The following CNTNAP2 variants were observed in gnomAD, a reference collection of about 807,000 sequenced individuals.
CNTNAP2 encodes contactin-associated protein-like 2.
CNTNAP2 carries 98 observed loss-of-function variants against 155.2 expected under a neutral mutation model. The observed-to-expected ratio is 0.63, with a 90% CI of 0.54 to 0.75. The LOEUF (loss-of-function observed/expected upper bound fraction) is 0.75. Among genes scored for constraint, CNTNAP2 ranks in the 30% least tolerant of loss-of-function variants. CNTNAP2 has a pLI of 0.00. For missense variants in CNTNAP2, 1,727 were observed against 1,688.1 expected, an observed-to-expected ratio of 1.02 and a Z score of -0.40; for synonymous variants, 651 against 631.2, an observed-to-expected ratio of 1.03 and a Z score of -0.47.
At chr7:146,173,142 A>C (rs1290196611) in intron 1 of CNTNAP2, among the ~76,000 whole-genome samples, 1 of 152,302 alleles carries the variant, frequency 6.6e-6, no homozygotes, top group East Asian at 1.9e-4. Context: ...TTTTTAAAAA[A>C]AACTGGCATT....
At chr7:146,303,392 G>GT (rs11394452) in intron 1 of CNTNAP2, among the ~76,000 whole-genome samples, 74,884 of 150,090 alleles carry the variant, frequency 0.5, 22,630 homozygotes, top group African/African-American at 0.86. Context: ...CAAAACAGAA[G>GT]TTTTTTTTTT....
At chr7:146,393,056 A>G (rs889311980) in intron 1 of CNTNAP2, among the ~76,000 whole-genome samples, 6 of 152,316 alleles carry the variant, frequency 3.9e-5, no homozygotes, top group East Asian at 1.9e-4. Context: ...CAGAGCATCA[A>G]TGAAATGAAG....
intron 1 of CNTNAP2, among the ~76,000 whole-genome samples, chr7:146,404,008 C>T (rs1419925714): frequency 6.7e-6 from 1 of 149,362 alleles, no homozygotes; most frequent in Non-Finnish European, 1.5e-5. Flanking sequence ...GCCTGTAGTC[C>T]CAGCTACTTG....
At chr7:147,945,802 A>G (rs1800810394) in intron 14 of CNTNAP2, among the ~76,000 whole-genome samples, 1 of 148,478 alleles carries the variant, frequency 6.7e-6, no homozygotes, top group Non-Finnish European at 1.5e-5. Context: ...CCTTGGTTGC[A>G]CTCCCTGGAA....
intron 9 of CNTNAP2, among the ~76,000 whole-genome samples, chr7:147,361,714 GT>G (rs963771641): frequency 2.0e-5 from 3 of 151,704 alleles, no homozygotes; most frequent in South Asian, 2.1e-4. Context: ...AATTTTGTCT[GT>G]TTTTTTTAAC....
chr7:147,493,428 T>A (rs531008018), intron 11 of CNTNAP2, among the ~76,000 whole-genome samples: 12 of 152,298 alleles, frequency 7.9e-5, no homozygotes, highest in African/African-American at 2.9e-4. Context: ...GTCCCTGTTA[T>A]TAAGGAGTGA....
At chr7:147,502,790 A>T (rs543281791) in intron 11 of CNTNAP2, among the ~76,000 whole-genome samples, 11 of 133,946 alleles carry the variant, frequency 8.2e-5, no homozygotes, top group Non-Finnish European at 1.6e-5. Flanking sequence ...CATTTTAAAT[A>T]TATACAATTT....
At chr7:147,367,000 T>C (rs1796243271) in intron 9 of CNTNAP2, among the ~76,000 whole-genome samples, 1 of 152,164 alleles carries the variant, frequency 6.6e-6, no homozygotes, top group Non-Finnish European at 1.5e-5. Context: ...ATCTCAAAAG[T>C]TTAGGTGTGA....
intron 3 of CNTNAP2, among the ~76,000 whole-genome samples, chr7:146,931,614 C>T (rs1796759691): frequency 6.6e-6 from 1 of 150,420 alleles, no homozygotes; most frequent in South Asian, 2.1e-4. Context: ...AATAGAGACA[C>T]AAAAAACCCT....
intron 8 of CNTNAP2, among the ~76,000 whole-genome samples, chr7:147,180,891 A>G (rs1180436706): frequency 1.3e-5 from 2 of 152,230 alleles, no homozygotes; most frequent in Non-Finnish European, 2.9e-5. Flanking sequence ...CAGAGAAAAC[A>G]TTATAAAATA....
chr7:148,166,366 G>C (rs1805658473), intron 17 of CNTNAP2, among the ~76,000 whole-genome samples: 1 of 152,122 alleles, frequency 6.6e-6, no homozygotes, highest in Admixed American at 6.6e-5. Context: ...GAATAAATTA[G>C]ATTTTATGTG....
At chr7:147,038,574 G>A (rs1799201612) in intron 3 of CNTNAP2, among the ~76,000 whole-genome samples, 1 of 152,184 alleles carries the variant, frequency 6.6e-6, no homozygotes, top group Non-Finnish European at 1.5e-5. Context: ...CAGAAGCTCA[G>A]TGGGAAGAGC....
At chr7:146,584,341 AAT>A (rs2129148340) in intron 1 of CNTNAP2, among the ~76,000 whole-genome samples, 1 of 152,300 alleles carries the variant, frequency 6.6e-6, no homozygotes, top group East Asian at 1.9e-4. Flanking sequence ...AGTCAATGCT[AAT>A]AGAGTGCCTA....
intron 15 of CNTNAP2, among the ~76,000 whole-genome samples, chr7:148,072,478 A>G (rs773073666): frequency 2.0e-5 from 3 of 152,230 alleles, no homozygotes; most frequent in Admixed American, 2.0e-4. Context: ...AAAAACTTGA[A>G]TTTCATGCAA....
intron 15 of CNTNAP2, among the ~76,000 whole-genome samples, chr7:147,984,224 T>C (rs578233609): frequency 6.6e-6 from 1 of 152,306 alleles, no homozygotes; most frequent in African/African-American, 2.4e-5. Flanking sequence ...AGCCGGCTTC[T>C]TTACTGCAAC....
chr7:147,904,758 G>C (rs1231011315), intron 14 of CNTNAP2, among the ~76,000 whole-genome samples: 4 of 152,206 alleles, frequency 2.6e-5, no homozygotes, highest in South Asian at 2.1e-4. Context: ...AAATTACAAA[G>C]CCTATCTATT....
chr7:146,478,591 C>T (rs1796913848), intron 1 of CNTNAP2, among the ~76,000 whole-genome samples: 1 of 151,762 alleles, frequency 6.6e-6, no homozygotes, highest in Admixed American at 6.6e-5. Context: ...AGTGTCACAT[C>T]TAGTATCTGC....
At chr7:147,456,109 A>G (rs28508572) in intron 10 of CNTNAP2, among the ~76,000 whole-genome samples, 18,758 of 152,186 alleles carry the variant, frequency 0.12, 1,424 homozygotes, top group East Asian at 0.32. Context: ...TATCTTCATC[A>G]AAAGCCATTT....
chr7:147,429,424 T>C (rs1415053647), intron 10 of CNTNAP2, among the ~76,000 whole-genome samples: 2 of 152,094 alleles, frequency 1.3e-5, no homozygotes, highest in African/African-American at 4.8e-5. Flanking sequence ...CACTTTTTGA[T>C]GAGATTATTT....
Sources: gnomAD v4.1 joint callset for allele counts (sites outside exome capture counted in the v4.1 genomes callset) on GRCh38, gnomAD v4.1.1 for gene constraint, MANE v1.5 for transcripts, NCBI Gene and HGNC (gene_info 2026-07-23, HGNC 2026-07-21) for gene names.